Variants in QRICH2 observed in about 807,000 individuals in gnomAD.
QRICH2 encodes the protein glutamine-rich protein 2.
A neutral mutation model predicts 168.3 loss-of-function variants in QRICH2; 119 were observed. The ratio of observed to expected loss-of-function variants is 0.71; its 90% CI spans 0.61 to 0.82. The LOEUF (loss-of-function observed/expected upper bound fraction) is 0.82, where lower values mean the gene tolerates loss of function less well. QRICH2 is among the 40% of genes least tolerant of loss of function. The pLI is 0.00. For synonymous variants in QRICH2, 894 were observed against 951.2 expected (o/e 0.94, Z 1.11); for missense variants, 2,241 against 2,491.6 (o/e 0.90, Z 2.14).
rs1222457837 is a variant in QRICH2, at chr17:76,290,010, A to T, written c.3780T>A (p.Val1260=). ...TCCTTACTTTTGCTTTCTCCTGCCA[A>T]ACTTCTTTGGCTAGCGTCTTTACGG... is the stretch of plus-strand genomic sequence containing the variant. ...LKTVKTLAKE[V]WQEKAKVERL... The change falls in exon 5 of 19, where the codon GTT becomes GTA. Residue 1260 remains valine, a synonymous_variant. Transcript: ENST00000680821. 1 of 1,610,588 alleles carries T rather than the reference A, an allele frequency of 6.2e-7. No individual in the cohort carries two copies. The highest frequency in any genetic ancestry group is 1.3e-5 in the African/African-American group (1 of 74,696).
chr17:76,291,063 C>T lies in QRICH2; in HGVS notation c.3664G>A (p.Ala1222Thr). ...ESMKDLDEEQ[A>T]GQTDLEKIQF... ...ATCTTCTCCAAGTCGGTTTGGCCGG[C>T]CTGCTCCTCATCCAGATCCTTCATA... is the stretch of plus-strand genomic sequence containing the variant. The change falls in exon 4 of 19, where the codon GCC becomes ACC. Residue 1222 changes from alanine to threonine, a missense_variant. Coordinates refer to ENST00000680821, the MANE Select transcript of QRICH2 (RefSeq NM_001388453.1). The T allele has an allele frequency of 6.2e-7, 1 of 1,614,166 alleles. No homozygotes were observed. The highest frequency in any genetic ancestry group is 8.5e-7 in the Non-Finnish European group (1 of 1,179,998).
At chr17:76,283,060 T>A (rs2070818208) in intron 7 of QRICH2, among the ~76,000 whole-genome samples, 1 of 152,098 alleles carries the variant, frequency 6.6e-6, no homozygotes, top group Admixed American at 6.5e-5. Flanking sequence ...GGAAGTTCCC[T>A]TTTCCTCCAC....
intron 7 of QRICH2, among the ~76,000 whole-genome samples, chr17:76,284,660 TAC>T (rs1491373418): frequency 9.1e-4 from 138 of 151,086 alleles, no homozygotes; most frequent in Non-Finnish European, 1.6e-3. Flanking sequence ...CTACTGAAAA[TAC>T]AAAAAATTAG....
upstream of QRICH2, among the ~76,000 whole-genome samples, chr17:76,309,272 C>T (rs898657255): frequency 1.8e-4 from 27 of 150,114 alleles, no homozygotes; most frequent in Non-Finnish European, 3.1e-4. Flanking sequence ...AGGAGAATCG[C>T]GTCAACCCGG....
chr17:76,307,424 G>T lies in QRICH2; in HGVS notation c.534+41C>A. 1 of 1,607,450 alleles carries T rather than the reference G, an allele frequency of 6.2e-7. No homozygotes were observed. The highest frequency in any genetic ancestry group is 1.1e-5 in the South Asian group (1 of 90,868). ...GGCTAGGCCTGGAGGGCGGCCTGGAGGAGGCAGACGGCCTGCGCGTGCCTC... is the reference window on the plus strand; with the variant it reads ...GGCTAGGCCTGGAGGGCGGCCTGGATGAGGCAGACGGCCTGCGCGTGCCTC... On this transcript the variant is annotated intron_variant, in intron 1 of 18. Transcript: ENST00000680821. The surrounding 1 kb of genome is among the most constrained non-coding windows in gnomAD (Gnocchi z 5.3).
At chr17:76,299,501 C>T (rs1484344345) in intron 3 of QRICH2, among the ~76,000 whole-genome samples, 2 of 152,072 alleles carry the variant, frequency 1.3e-5, no homozygotes, top group African/African-American at 4.8e-5. Context: ...CTTTGGGAAG[C>T]CGAGGCGGGC....
At chr17:76,282,694 C>T (rs1490500706) in intron 7 of QRICH2, among the ~76,000 whole-genome samples, 2 of 152,228 alleles carry the variant, frequency 1.3e-5, no homozygotes, top group Non-Finnish European at 2.9e-5. Flanking sequence ...CTGGTGTTCT[C>T]CTCTGCATCC....
In QRICH2 at chr17:76,291,151, C is replaced by G. The variant is rs150036961; in HGVS notation, c.3576G>C (p.Thr1192=). The G allele has an allele frequency of 2.1e-3, 3,392 of 1,614,116 alleles. 14 individuals are homozygous for G. Among genetic ancestry groups the G allele is most frequent in the Non-Finnish European group, 1.9e-3 (2,205 of 1,180,008 alleles). ...SLRRMSSSFP[T]AVETFHLMGE... ...CCATCAGATGAAATGTCTCCACTGCCGTGGGGAAACTAGAACTCATTCTAC... is the reference window on the plus strand; with the variant it reads ...CCATCAGATGAAATGTCTCCACTGCGGTGGGGAAACTAGAACTCATTCTAC... The change falls in exon 4 of 19, where the codon ACG becomes ACC. Residue 1192 remains threonine (T), a synonymous_variant. Coordinates refer to ENST00000680821, the MANE Select transcript of QRICH2 (RefSeq NM_001388453.1).
At chr17:76,296,971 G>A (rs933509367) in intron 3 of QRICH2, among the ~76,000 whole-genome samples, 1 of 152,138 alleles carries the variant, frequency 6.6e-6, no homozygotes, top group Admixed American at 6.6e-5. Context: ...TGCCTGCCAT[G>A]GGGCTGGAAA....
intron 3 of QRICH2, among the ~76,000 whole-genome samples, chr17:76,301,112 G>C (rs181577867): frequency 3.3e-5 from 5 of 152,092 alleles, no homozygotes; most frequent in African/African-American, 1.2e-4. Flanking sequence ...AGGTACTCAG[G>C]AGGCTGAGGT....
In QRICH2 at chr17:76,279,348, G is replaced by A. The variant is rs572322796; in HGVS notation, c.4814+15C>T. 5.6e-6 allele frequency: 9 copies of A among 1,608,866 alleles called. No individual in the cohort carries two copies. Among genetic ancestry groups the A allele is most frequent in the African/African-American group, 1.3e-5 (1 of 74,936 alleles). On this transcript the variant is annotated intron_variant, in intron 13 of 18. Coordinates refer to ENST00000680821, the MANE Select transcript of QRICH2 (RefSeq NM_001388453.1). ...CTGCCATGCGAGGCCACGTGCCGGCGGTGTGGGCACTCACTGTCCAGTCAC... is the reference window on the plus strand; with the variant it reads ...CTGCCATGCGAGGCCACGTGCCGGCAGTGTGGGCACTCACTGTCCAGTCAC...
intron 5 of QRICH2, among the ~76,000 whole-genome samples, chr17:76,288,793 C>T (rs1336769696): frequency 6.6e-6 from 1 of 151,500 alleles, no homozygotes; most frequent in Non-Finnish European, 1.5e-5. Flanking sequence ...AACTGGACTC[C>T]AAGGCTGCCA....
In QRICH2 at chr17:76,280,326, C is replaced by T; in HGVS notation, c.4587G>A (p.Gln1529=). ...CTGTGAGCAGCCTGTCCAGCATCTT[C>T]TGCCAGTCCTGCTCCTGCCCGCTCA... ...AKMSGQEQDW[Q]KMLDRLLTEM... Residue 1529 remains glutamine (Q), a synonymous_variant, in exon 11 of 19, where the codon CAG becomes CAA. Transcript: ENST00000680821. The surrounding 1 kb of genome is among the most constrained non-coding windows in gnomAD (Gnocchi z 7.4). 5 of 1,614,230 alleles carry T rather than the reference C, an allele frequency of 3.1e-6. No individual in the cohort carries two copies. The South Asian group carries it at 5.5e-5, about 18-fold the overall frequency.
chr17:76,276,719 G>A lies in QRICH2; in HGVS notation c.5314C>T (p.Arg1772Trp), dbSNP rs753806632. 10 of 1,613,646 alleles carry A rather than the reference G, an allele frequency of 6.2e-6. No homozygotes were observed. In the East Asian group the frequency reaches 1.3e-4, roughly 22 times the overall value. Residue 1772 changes from arginine to tryptophan, a missense_variant, in exon 17 of 19, where the codon CGG becomes TGG. Coordinates refer to ENST00000680821, the MANE Select transcript of QRICH2 (RefSeq NM_001388453.1). Reference protein sequence around the residue: ...LGLDGHIYKGRMDTRLPGILR... With the variant: ...LGLDGHIYKGWMDTRLPGILR... ...ATGCCTGGCAGCCTTGTGTCCATCC[G>A]TCCCTTGTAAATGTGGCCATCCAGG...
chr17:76,293,281 T>C lies in QRICH2; in HGVS notation c.1446A>G (p.Gln482=), dbSNP rs1490618963. The C allele has an allele frequency of 7.4e-6, 12 of 1,614,064 alleles. No individual in the cohort carries two copies. Among genetic ancestry groups the C allele is most frequent in the South Asian group, 1.1e-5 (1 of 91,088 alleles). The part of the protein sequence containing the change: ...QHGMTFPGTD[Q]RSMEPLGMDQ... ...CCATGCCAAGTGGTTCCATACTGCG[T>C]TGGTCTGTGCCAGGAAATGTCATAC... The change falls in exon 4 of 19, where the codon CAA becomes CAG. Residue 482 remains glutamine, a synonymous_variant. Transcript: ENST00000680821.
Position 76,274,236 on chromosome 17 carries a change from C to G in QRICH2, c.5507G>C (p.Arg1836Thr). 6.3e-7 allele frequency: 1 copy of G among 1,593,952 alleles called. No individual in the cohort carries two copies. Among genetic ancestry groups the G allele is most frequent in the Non-Finnish European group, 8.5e-7 (1 of 1,173,078 alleles). Residue 1836 changes from arginine to threonine, a missense_variant, in exon 19 of 19, where the codon AGA (arginine) becomes ACA (threonine). Coordinates refer to ENST00000680821, the MANE Select transcript of QRICH2 (RefSeq NM_001388453.1). ...GGAGAGACGGCCCTCGGAGGAAGGT[C>G]TATCTTTCTGTTGACGAGAAGAAAC... ...TSVSSRQQKD[R>T]PSSEGRLSQP...
At chr17:76,278,916 T>C in intron 14 of QRICH2, 125 bp downstream of exon 14, 1 of 810,410 alleles carries the variant, frequency 1.2e-6, no homozygotes, top group Non-Finnish European at 2.1e-6. Context: ...CTCTCCACAC[T>C]GTCCCACAGC....
At chr17:76,305,598 T>C (rs947491310) in intron 1 of QRICH2, among the ~76,000 whole-genome samples, 1 of 152,126 alleles carries the variant, frequency 6.6e-6, no homozygotes, top group African/African-American at 2.4e-5. Flanking sequence ...GATGGGACCC[T>C]TTGGTCCTGG....
chr17:76,290,141 T>C, intron 4 of QRICH2, 64 bp from the exon 5 acceptor site: 1 of 1,220,934 alleles, frequency 8.2e-7, no homozygotes, highest in Non-Finnish European at 1.2e-6. Flanking sequence ...CAATCTCCAT[T>C]TCCAGCCCCT....
Sources: gnomAD v4.1 joint callset for allele counts (sites outside exome capture counted in the v4.1 genomes callset) on GRCh38, gnomAD v4.1.1 for gene constraint, Gnocchi (gnomAD v3.1) non-coding constraint, MANE v1.5 for transcripts, NCBI Gene and HGNC (gene_info 2026-07-23, HGNC 2026-07-21) for gene names.